The following MACROD2 variants were observed in gnomAD, a reference collection of about 807,000 sequenced individuals.
MACROD2 encodes the protein mono-ADP ribosylhydrolase 2.
Under a neutral mutation model 70.4 loss-of-function variants are expected in MACROD2, and 36 were observed. The observed-to-expected ratio is 0.51, with a 90% confidence interval of 0.39 to 0.68. The LOEUF is 0.68. Among genes scored for constraint, MACROD2 ranks in the 30% least tolerant of loss-of-function variants. The pLI, the probability that MACROD2 is intolerant of heterozygous loss-of-function variation, is 0.00. For synonymous variants in MACROD2, 172 were observed against 178.8 expected (o/e 0.96, Z 0.30); for missense variants, 496 against 538.4 (o/e 0.92, Z 0.78).
chr20:15,658,985 A>G (rs2049775956), intron 8 of MACROD2, among the ~76,000 whole-genome samples: 1 of 152,226 alleles, frequency 6.6e-6, no homozygotes, highest in Admixed American at 6.5e-5. Context: ...ATAGTAACAT[A>G]GTTGCTTTTA....
intron 5 of MACROD2, among the ~76,000 whole-genome samples, chr20:14,732,664 G>A (rs61680989): frequency 0.026 from 3,996 of 152,134 alleles, 189 homozygotes; most frequent in African/African-American, 0.091. Context: ...TGATTGCTTT[G>A]CTCTGTTACC....
intron 5 of MACROD2, among the ~76,000 whole-genome samples, chr20:14,765,405 G>T (rs570576398): frequency 2.6e-5 from 4 of 151,654 alleles, no homozygotes; most frequent in Non-Finnish European, 4.4e-5. Flanking sequence ...GACTCTCCTC[G>T]CTGGCACACT....
chr20:14,834,387 C>T (rs1776704026), intron 5 of MACROD2, among the ~76,000 whole-genome samples: 1 of 151,680 alleles, frequency 6.6e-6, no homozygotes, highest in African/African-American at 2.4e-5. Context: ...GCTAATTGGG[C>T]CTTGTCATGA....
chr20:14,437,453 G>A (rs1003285195), intron 3 of MACROD2, among the ~76,000 whole-genome samples: 2 of 152,030 alleles, frequency 1.3e-5, no homozygotes, highest in Non-Finnish European at 2.9e-5. Context: ...AATTAGCAGG[G>A]CGTGGTGGTG....
chr20:15,880,681 G>A (rs1006182043), intron 9 of MACROD2, among the ~76,000 whole-genome samples: 4 of 151,992 alleles, frequency 2.6e-5, no homozygotes, highest in Admixed American at 1.3e-4. Flanking sequence ...TCCATCATTT[G>A]AGAAAGGCTC....
chr20:15,539,712 G>A (rs1363633999), intron 8 of MACROD2, among the ~76,000 whole-genome samples: 1 of 152,220 alleles, frequency 6.6e-6, no homozygotes, highest in Non-Finnish European at 1.5e-5. Context: ...CTTGAGCCGG[G>A]CACGGTGGCT....
Position 14,203,397 on chromosome 20 carries a change from T to C in MACROD2, c.271+117669T>C, listed in dbSNP as rs115492286. ...AGGAATTTCATAGATTTTTTTTTCT[T>C]TGGGTTCTGTTGCTGGAGAATTATT... On this transcript the variant is annotated intron_variant, in intron 3 of 17. Coordinates refer to ENST00000684519, the MANE Select transcript of MACROD2 (RefSeq NM_001351661.2). Among the ~76,000 whole-genome samples the C allele has an allele frequency of 4.6e-3, 696 of 152,238 alleles. 3 individuals are homozygous for C. The highest frequency in any genetic ancestry group is 0.016 in the African/African-American group (653 of 41,532).
chr20:14,696,391 A>G (rs2071127044), intron 5 of MACROD2, among the ~76,000 whole-genome samples: 1 of 152,060 alleles, frequency 6.6e-6, no homozygotes, highest in African/African-American at 2.4e-5. Flanking sequence ...TTGGGGGGAA[A>G]ATTAATTCAG....
At chr20:15,190,076 T>A (rs1163587404) in intron 5 of MACROD2, among the ~76,000 whole-genome samples, 2 of 152,198 alleles carry the variant, frequency 1.3e-5, no homozygotes, top group African/African-American at 2.4e-5. Context: ...TCATTCTTTA[T>A]CCTCTTGTGA....
At chr20:15,491,624 C>T (rs2047232686) in intron 7 of MACROD2, among the ~76,000 whole-genome samples, 1 of 152,246 alleles carries the variant, frequency 6.6e-6, no homozygotes, top group Non-Finnish European at 1.5e-5. Flanking sequence ...GCATTATCCC[C>T]TGAGGGGTGA....
intron 5 of MACROD2, among the ~76,000 whole-genome samples, chr20:14,799,001 T>C (rs1457772955): frequency 6.6e-6 from 1 of 152,002 alleles, no homozygotes. Context: ...AGTGAATATA[T>C]ATTGAAATGT....
chr20:14,188,852 A>G (rs1194050522), intron 3 of MACROD2, among the ~76,000 whole-genome samples: 11 of 152,158 alleles, frequency 7.2e-5, no homozygotes, highest in Admixed American at 6.5e-4. Context: ...CTGTTTTATT[A>G]AAGTCATTAT....
At chr20:14,779,247 G>T (rs1189913794) in intron 5 of MACROD2, among the ~76,000 whole-genome samples, 1 of 152,034 alleles carries the variant, frequency 6.6e-6, no homozygotes, top group Non-Finnish European at 1.5e-5. Flanking sequence ...CAGAATTGTG[G>T]TCGTCTAATT....
intron 5 of MACROD2, among the ~76,000 whole-genome samples, chr20:14,979,231 A>G (rs1264148790): frequency 6.6e-6 from 1 of 151,740 alleles, no homozygotes; most frequent in Non-Finnish European, 1.5e-5. Flanking sequence ...AAGTATTGGG[A>G]TGACAGATGT....
At chr20:15,527,960 A>G (rs762757615) in intron 8 of MACROD2, among the ~76,000 whole-genome samples, 3 of 152,216 alleles carry the variant, frequency 2.0e-5, no homozygotes, top group African/African-American at 4.8e-5. Flanking sequence ...AGTAGAAAGC[A>G]AGTATTATAA....
intron 3 of MACROD2, among the ~76,000 whole-genome samples, chr20:14,230,844 A>C (rs2081803866): frequency 6.6e-6 from 1 of 151,350 alleles, no homozygotes; most frequent in Non-Finnish European, 1.5e-5. Flanking sequence ...TCTTACAAGA[A>C]GGCTTGAAAG....
chr20:15,603,598 C>G (rs2048854381), intron 8 of MACROD2, among the ~76,000 whole-genome samples: 1 of 151,232 alleles, frequency 6.6e-6, no homozygotes. Flanking sequence ...GGGAATGAAA[C>G]TTACCCCTAA....
chr20:15,860,093 C>A (rs2064404822), intron 8 of MACROD2, among the ~76,000 whole-genome samples: 1 of 152,108 alleles, frequency 6.6e-6, no homozygotes, highest in Non-Finnish European at 1.5e-5. Flanking sequence ...TGAGATCGCG[C>A]CACTGCCCTC....
At chr20:15,628,944 A>G (rs902584112) in intron 8 of MACROD2, among the ~76,000 whole-genome samples, 3 of 152,240 alleles carry the variant, frequency 2.0e-5, no homozygotes, top group African/African-American at 7.2e-5. Context: ...ATGCAGTTGT[A>G]CTTCATTTTC....
Sources: allele counts gnomAD v4.1 joint callset (sites outside exome capture counted in the v4.1 genomes callset), GRCh38; gene constraint gnomAD v4.1.1; transcripts MANE v1.5; gene names NCBI Gene and HGNC (gene_info 2026-07-23, HGNC 2026-07-21).